Variants in ARID2 observed in about 807,000 individuals in gnomAD.
ARID2 encodes the protein AT-rich interactive domain-containing protein 2.
In ARID2, 32 loss-of-function variants were observed where a neutral mutation model predicts 184.6. The ratio of observed to expected loss-of-function variants is 0.17; its 90% CI spans 0.13 to 0.23. The LOEUF (loss-of-function observed/expected upper bound fraction) is 0.23, where lower values mean the gene tolerates loss of function less well. ARID2 is among the 10% of genes least tolerant of loss of function. ARID2 has a pLI of 1.00. For synonymous variants in ARID2, 836 were observed against 772.6 expected (o/e 1.08, Z -1.36); for missense variants, 1,696 against 2,197.6 (o/e 0.77, Z 4.56).
chr12:45,853,116 T>A (rs1253964637), intron 15 of ARID2, among the ~76,000 whole-genome samples: 2 of 152,226 alleles, frequency 1.3e-5, no homozygotes, highest in African/African-American at 4.8e-5. Context: ...AGATCCAAAT[T>A]AATAATTTTC....
rs761482368 is a variant in ARID2, at chr12:45,848,823, TCTC to T, written c.1581-9_1581-7del. Reference sequence around the variant, plus strand: ...AGTATATTGTATAATGCTTAATTTTTCTCCTCTTTTAGGCTAAATGCTCATTTT... The same window carrying T: ...AGTATATTGTATAATGCTTAATTTTTCTCTTTTAGGCTAAATGCTCATTTT... On this transcript the variant is annotated splice_polypyrimidine_tract_variant and intron_variant, in intron 12 of 20. Coordinates refer to ENST00000334344, the MANE Select transcript of ARID2 (RefSeq NM_152641.4). The T allele has an allele frequency of 6.2e-7, 1 of 1,606,596 alleles. No homozygotes were observed. The highest frequency in any genetic ancestry group is 1.1e-5 in the South Asian group (1 of 89,926).
At chr12:45,883,015 G>A (rs932533049) in intron 16 of ARID2, among the ~76,000 whole-genome samples, 1 of 152,124 alleles carries the variant, frequency 6.6e-6, no homozygotes, top group South Asian at 2.1e-4. Context: ...TCATCTTGCT[G>A]TTTCTAGGTT....
At chr12:45,814,763 A>G (rs1942775669) in intron 4 of ARID2, among the ~76,000 whole-genome samples, 1 of 152,188 alleles carries the variant, frequency 6.6e-6, no homozygotes, top group Admixed American at 6.5e-5. Context: ...TTTCTCCTAC[A>G]TAATTATCTT....
At position 45,851,051 on chromosome 12, in the gene ARID2, T is replaced by C. The variant is rs1943539624; in HGVS notation, c.2928T>C (p.Pro976=). 6.2e-7 allele frequency: 1 copy of C among 1,614,132 alleles called. No homozygotes were observed. Among genetic ancestry groups the C allele is most frequent in the East Asian group, 2.2e-5 (1 of 44,882 alleles). The change falls in exon 15 of 21, where the codon CCT becomes CCC. Residue 976 remains proline, a synonymous_variant. Transcript: ENST00000334344. ...TAACTCCATCTTCTTCACCATCACC[T>C]GTCCCAGCTACTAATAACCAAGTCC... ...PNITPSSSPS[P]VPATNNQVPT...
intron 3 of ARID2, among the ~76,000 whole-genome samples, chr12:45,791,235 G>T (rs1942285443): frequency 6.7e-6 from 1 of 149,732 alleles, no homozygotes; most frequent in Non-Finnish European, 1.5e-5. Flanking sequence ...TGTGTGTGTG[G>T]TAGCAGTCCT....
In ARID2 at chr12:45,852,325, T is replaced by A. The variant is rs769087666; in HGVS notation, c.4202T>A (p.Ile1401Asn). 9 of 1,614,074 alleles carry A rather than the reference T, an allele frequency of 5.6e-6. No individual in the cohort carries two copies. The highest frequency in any genetic ancestry group is 7.6e-6 in the Non-Finnish European group (9 of 1,180,024). Residue 1401 changes from isoleucine (I) to asparagine (N), a missense_variant, in exon 15 of 21, where the codon ATC becomes AAC. This residue lies in a region of ARID2 where 428 missense variants were observed against 409.1 expected (regional missense o/e 1.05). Coordinates refer to ENST00000334344, the MANE Select transcript of ARID2 (RefSeq NM_152641.4). ...SPMEPQGTLDITQQDTAKGDQ... is the reference protein window; with the variant it reads ...SPMEPQGTLDNTQQDTAKGDQ... The stretch of plus-strand genomic sequence containing the variant: ...ATGGAACCACAAGGGACTTTAGATA[T>A]CACTCAGCAAGATACTGCCAAAGGT...
chr12:45,846,449 T>G (rs981495203), intron 11 of ARID2, among the ~76,000 whole-genome samples: 3 of 152,162 alleles, frequency 2.0e-5, no homozygotes, highest in Admixed American at 2.0e-4. Context: ...TGTTGAACTG[T>G]ATGACCCTGG....
At chr12:45,823,999 C>T (rs1191913464) in intron 6 of ARID2, among the ~76,000 whole-genome samples, 3 of 152,126 alleles carry the variant, frequency 2.0e-5, no homozygotes, top group Non-Finnish European at 4.4e-5. Flanking sequence ...AACTGGAGGT[C>T]AGTATCTGTG....
In ARID2 at chr12:45,811,573, C is replaced by T. The variant is rs746714850; in HGVS notation, c.418+22C>T. ...TCGGGTAAATATCACTGCAAATTAA[C>T]AGGATATATGTCCGCAGTTTTGAAT... On this transcript the variant is annotated intron_variant, in intron 4 of 20. Coordinates refer to ENST00000334344, the MANE Select transcript of ARID2 (RefSeq NM_152641.4). 4.3e-6 allele frequency: 7 copies of T among 1,610,846 alleles called. No homozygotes were observed. The South Asian group carries it at 5.5e-5, about 13-fold the overall frequency.
intron 3 of ARID2, among the ~76,000 whole-genome samples, chr12:45,765,058 A>C (rs1941746078): frequency 6.6e-6 from 1 of 152,220 alleles, no homozygotes. Context: ...GATGTGTAAT[A>C]ATATCTCATT....
intron 4 of ARID2, among the ~76,000 whole-genome samples, chr12:45,816,619 T>G (rs762186605): frequency 1.3e-5 from 2 of 152,188 alleles, no homozygotes; most frequent in Non-Finnish European, 2.9e-5. Context: ...CAAAATCCTG[T>G]CTATGTTTCT....
chr12:45,786,234 T>A (rs1942194552), intron 3 of ARID2, among the ~76,000 whole-genome samples: 1 of 152,144 alleles, frequency 6.6e-6, no homozygotes, highest in Non-Finnish European at 1.5e-5. Context: ...ATCCTTTTGG[T>A]TGCTTAAAGT....
At chr12:45,801,946 A>G (rs1942510807) in intron 3 of ARID2, among the ~76,000 whole-genome samples, 3 of 152,186 alleles carry the variant, frequency 2.0e-5, no homozygotes, top group African/African-American at 7.2e-5. Context: ...ATCAGTATAA[A>G]AGTTGTTTTT....
chr12:45,840,254 G>A (rs1943319046), intron 11 of ARID2: 1 of 151,998 alleles, frequency 6.6e-6, no homozygotes, highest in African/African-American at 2.4e-5. Context: ...CTGTCCCCAA[G>A]ACACTTAATC....
intron 18 of ARID2, 23 bp downstream of exon 18, chr12:45,892,119 C>G (rs1337832976): frequency 1.9e-6 from 3 of 1,602,554 alleles, no homozygotes; most frequent in Non-Finnish European, 2.6e-6. Flanking sequence ...AGTTTACTTC[C>G]TGTTGTACAT....
At position 45,851,217 on chromosome 12, in the gene ARID2, C is replaced by T. The variant is rs2138169007; in HGVS notation, c.3094C>T (p.Gln1032Ter). 1 of 1,614,172 alleles carries T rather than the reference C, an allele frequency of 6.2e-7. No homozygotes were observed. Among genetic ancestry groups the T allele is most frequent in the Non-Finnish European group, 8.5e-7 (1 of 1,180,020 alleles). ...ACAGCAGGTACAAGTACAAGTTCAG[C>T]AGCCCCAACAAGTACAGATGCAAGT... is the stretch of plus-strand genomic sequence containing the variant. ...PPQQVQVQVQ[Q>*]PQQVQMQVQP... The change falls in exon 15 of 21, where the codon CAG becomes TAG. Residue 1032 changes from glutamine (Q) to a stop codon, truncating the protein, a stop_gained. Transcript: ENST00000334344. LOFTEE classifies it high-confidence loss of function.
intron 2 of ARID2, among the ~76,000 whole-genome samples, chr12:45,730,395 G>C (rs1444521787): frequency 6.8e-6 from 1 of 146,026 alleles, no homozygotes; most frequent in Admixed American, 6.8e-5. Context: ...GTGCCCGGTC[G>C]GGCCGGCGGG....
At chr12:45,819,601 G>T (rs1169693462) in intron 5 of ARID2, among the ~76,000 whole-genome samples, 3 of 152,114 alleles carry the variant, frequency 2.0e-5, no homozygotes, top group Non-Finnish European at 4.4e-5. Flanking sequence ...TTAGAAAGTA[G>T]AATATTTACA....
At chr12:45,901,292 T>A (rs1463192813) in intron 20 of ARID2, among the ~76,000 whole-genome samples, 6 of 149,500 alleles carry the variant, frequency 4.0e-5, no homozygotes, top group Non-Finnish European at 7.4e-5. Flanking sequence ...TGCCTCATCC[T>A]CTGGAGTAGC....
Sources: gnomAD v4.1 joint callset for allele counts (sites outside exome capture counted in the v4.1 genomes callset) on GRCh38, gnomAD v4.1.1 for gene constraint, gnomAD v4.1.1 regional missense constraint, MANE v1.5 for transcripts, NCBI Gene and HGNC (gene_info 2026-07-23, HGNC 2026-07-21) for gene names.